Variants in FAM13B observed in about 807,000 individuals in gnomAD.
The protein encoded by FAM13B is family with sequence similarity 13 member B, also known as protein FAM13B.
A neutral mutation model predicts 117.3 loss-of-function variants in FAM13B; 60 were observed. That is an observed-to-expected ratio of 0.51 (90% CI 0.42 to 0.63). The LOEUF is 0.63. Ranked by LOEUF, FAM13B falls within the 30% of genes least tolerant of loss-of-function variation. The pLI, the probability that FAM13B is intolerant of heterozygous loss-of-function variation, is 0.00. For synonymous variants in FAM13B, 332 were observed against 356.1 expected (o/e 0.93, Z 0.76); for missense variants, 972 against 1,091.9 (o/e 0.89, Z 1.55).
chr5:137,993,365 T>C (rs976528762), intron 7 of FAM13B, among the ~76,000 whole-genome samples: 1 of 152,172 alleles, frequency 6.6e-6, no homozygotes, highest in African/African-American at 2.4e-5. Context: ...CGGCAGCTCA[T>C]GCCTGTAATC....
Position 138,011,818 on chromosome 5 carries a change from T to G in FAM13B, c.498A>C (p.Glu166Asp). Residue 166 changes from glutamate (E) to aspartate (D), a missense_variant, in exon 5 of 24, where the codon GAA becomes GAC. Physicochemically the swap from Glu to Asp is conservative, Grantham distance 45 (BLOSUM62 2). Transcript: ENST00000689681. ...FLANVASHHE[E>D]IWSANSLAAV... ...CAGCCAAAGAATTTGCGGACCAAAT[T>G]TCTTCATGATGTGATGCTACATTGG... 6.2e-7 allele frequency: 1 copy of G among 1,612,646 alleles called. No individual in the cohort carries two copies. The highest frequency in any genetic ancestry group is 2.2e-5 in the East Asian group (1 of 44,796).
At chr5:138,037,782 A>G (rs1791297562), upstream of FAM13B, among the ~76,000 whole-genome samples, 1 of 152,192 alleles carries the variant, frequency 6.6e-6, no homozygotes, top group Admixed American at 6.5e-5. Flanking sequence ...ATACGATGTT[A>G]ATAAGAAACG....
At chr5:138,043,442 C>CTTTTT (rs562460878) in intron 1 of FAM13B, among the ~76,000 whole-genome samples, 3 of 138,436 alleles carry the variant, frequency 2.2e-5, no homozygotes, top group Non-Finnish European at 4.7e-5. Flanking sequence ...TTCTTTCTTT[C>CTTTTT]TTTTTTTTTT....
intron 7 of FAM13B, among the ~76,000 whole-genome samples, chr5:137,996,146 G>GT (rs1561508534): frequency 6.6e-6 from 1 of 151,912 alleles, no homozygotes; most frequent in African/African-American, 2.4e-5. Flanking sequence ...TTTGTTTTTT[G>GT]TTTTTTTGAG....
chr5:137,951,468 G>C (rs1765014093), intron 17 of FAM13B, among the ~76,000 whole-genome samples: 1 of 151,902 alleles, frequency 6.6e-6, no homozygotes, highest in African/African-American at 2.4e-5. Context: ...GACCAATCCA[G>C]GCACAAAGCA....
chr5:138,021,742 A>G (rs950252589), intron 1 of FAM13B, among the ~76,000 whole-genome samples: 7 of 152,212 alleles, frequency 4.6e-5, no homozygotes, highest in African/African-American at 1.7e-4. Flanking sequence ...GATTCAATTA[A>G]TAACTCCGTC....
intron 20 of FAM13B, among the ~76,000 whole-genome samples, chr5:137,944,919 A>G (rs1399543334): frequency 6.6e-6 from 1 of 151,856 alleles, no homozygotes; most frequent in Non-Finnish European, 1.5e-5. Flanking sequence ...GGACATAAAA[A>G]AAAGGCAACA....
At chr5:137,996,987 G>A (rs1211696196) in intron 7 of FAM13B, among the ~76,000 whole-genome samples, 3 of 151,866 alleles carry the variant, frequency 2.0e-5, no homozygotes, top group Non-Finnish European at 4.4e-5. Flanking sequence ...TTTGGCTTGT[G>A]GTTTCTTAAG....
intron 5 of FAM13B, 64 bp downstream of exon 5, chr5:138,011,704 C>T: frequency 1.7e-6 from 2 of 1,200,528 alleles, no homozygotes; most frequent in Non-Finnish European, 2.4e-6. Flanking sequence ...AGGCATGAGC[C>T]ACCGTGCCCG....
At chr5:137,958,606 AT>A (rs1767236616) in intron 13 of FAM13B, among the ~76,000 whole-genome samples, 1 of 152,252 alleles carries the variant, frequency 6.6e-6, no homozygotes. Context: ...AGGGATCTTC[AT>A]CCAAGTGAAT....
At chr5:137,972,139 G>A (rs1346454032) in intron 10 of FAM13B, among the ~76,000 whole-genome samples, 22 of 150,826 alleles carry the variant, frequency 1.5e-4, no homozygotes, top group Admixed American at 1.3e-3. Flanking sequence ...TGATACCAAA[G>A]CCAGGCAGAG....
chr5:137,991,946 G>C (rs1778696160), intron 7 of FAM13B, among the ~76,000 whole-genome samples: 1 of 152,034 alleles, frequency 6.6e-6, no homozygotes, highest in South Asian at 2.1e-4. Flanking sequence ...TTTTGAGACA[G>C]GGTCTCACTT....
intron 10 of FAM13B, among the ~76,000 whole-genome samples, chr5:137,981,278 C>CA (rs1775670903): frequency 6.6e-6 from 1 of 151,622 alleles, no homozygotes; most frequent in East Asian, 1.9e-4. Context: ...AGACAATAAA[C>CA]AGACTAGTAA....
chr5:138,019,863 GTAGAGA>G (rs987048165), intron 2 of FAM13B: 1 of 177,834 alleles, frequency 5.6e-6, no homozygotes, highest in African/African-American at 2.4e-5. Context: ...TGTATTTTTA[GTAGAGA>G]TGGGGTTTCA....
intron 10 of FAM13B, among the ~76,000 whole-genome samples, chr5:137,982,873 T>C (rs1226380712): frequency 6.6e-6 from 1 of 152,128 alleles, no homozygotes; most frequent in Non-Finnish European, 1.5e-5. Flanking sequence ...AACCTAATGA[T>C]GGGTAAGGAA....
chr5:138,004,701 GA>G (rs1349095832), intron 7 of FAM13B, among the ~76,000 whole-genome samples: 1 of 152,024 alleles, frequency 6.6e-6, no homozygotes, highest in Non-Finnish European at 1.5e-5. Flanking sequence ...GTGACATGCC[GA>G]AACCCCATCT....
intron 16 of FAM13B, 115 bp downstream of exon 16, chr5:137,953,221 G>A (rs1375120351): frequency 2.2e-5 from 24 of 1,106,110 alleles, no homozygotes; most frequent in Non-Finnish European, 2.9e-5. Context: ...CTGTTCCTCC[G>A]GGTATCTCAG....
chr5:138,010,830 T>A (rs1416273330), intron 6 of FAM13B, among the ~76,000 whole-genome samples, 178 bp downstream of exon 6: 1 of 152,008 alleles, frequency 6.6e-6, no homozygotes, highest in Non-Finnish European at 1.5e-5. Context: ...GAGGACAGGA[T>A]GTTGTTCAGG....
intron 10 of FAM13B, among the ~76,000 whole-genome samples, chr5:137,974,254 A>G (rs554328903): frequency 3.7e-4 from 56 of 152,050 alleles, no homozygotes; most frequent in African/African-American, 1.3e-3. Flanking sequence ...GCACATATAC[A>G]CCATGGAATA....
Sources: gnomAD v4.1 joint callset for allele counts (sites outside exome capture counted in the v4.1 genomes callset) on GRCh38, gnomAD v4.1.1 for gene constraint, MANE v1.5 for transcripts, NCBI Gene and HGNC (gene_info 2026-07-23, HGNC 2026-07-21) for gene names.